The following ABCA12 variants were observed in gnomAD, a reference collection of about 807,000 sequenced individuals.
The protein encoded by ABCA12 is ATP binding cassette subfamily A member 12.
A neutral mutation model predicts 293.5 loss-of-function variants in ABCA12; 156 were observed. The observed-to-expected ratio is 0.53, with a 90% CI of 0.47 to 0.61. ABCA12 has a LOEUF of 0.61. Ranked by LOEUF, ABCA12 falls within the 20% of genes least tolerant of loss-of-function variation. The pLI is 0.00. For synonymous variants in ABCA12, 1,063 were observed against 1,108.0 expected, an observed-to-expected ratio of 0.96 and a Z score of 0.81; for missense variants, 2,797 against 3,090.2, an observed-to-expected ratio of 0.91 and a Z score of 2.25.
In ABCA12 at chr2:215,015,481, G is replaced by A; in HGVS notation, c.1956+9C>T. The A allele has an allele frequency of 1.2e-6, 2 of 1,612,144 alleles. No individual in the cohort carries two copies. Among genetic ancestry groups the A allele is most frequent in the Non-Finnish European group, 1.7e-6 (2 of 1,178,304 alleles). ...TGAATATAAACATATTTAACCAACA[G>A]CAACTTGCCTTGTATGTGAAGTTGT... On this transcript the variant is annotated intron_variant, in intron 15 of 52. Transcript: ENST00000272895.
intron 15 of ABCA12, chr2:215,013,723 T>A (rs1365303150): frequency 1.3e-5 from 2 of 153,776 alleles, no homozygotes; most frequent in Non-Finnish European, 2.9e-5. Flanking sequence ...TTTCATGTCA[T>A]ATGCATTGTA....
At chr2:214,938,491 T>C (rs966733389) in intron 50 of ABCA12, among the ~76,000 whole-genome samples, 3 of 152,168 alleles carry the variant, frequency 2.0e-5, no homozygotes, top group African/African-American at 7.2e-5. Context: ...GTAATGGGAT[T>C]GCTGGGTCAA....
At chr2:215,110,684 G>A (rs948670035) in intron 2 of ABCA12, among the ~76,000 whole-genome samples, 1 of 152,128 alleles carries the variant, frequency 6.6e-6, no homozygotes, top group African/African-American at 2.4e-5. Flanking sequence ...TGATTTCTTA[G>A]AACTGGGTGA....
rs779667677 is a variant in ABCA12, at chr2:215,011,990, C to G, written c.2102G>C (p.Arg701Thr). The change falls in exon 16 of 53, where the codon AGA becomes ACA. Residue 701 changes from arginine to threonine, a missense_variant. By Grantham distance (71) the Arg-to-Thr change is moderately conservative. Coordinates refer to ENST00000272895, the MANE Select transcript of ABCA12 (RefSeq NM_173076.3). Reference sequence around the variant, plus strand: ...TGCTACCTGTGTTAATGGAACACTTCTGGGCAGATGCATTTGCTTCAGGGA... The same window carrying G: ...TGCTACCTGTGTTAATGGAACACTTGTGGGCAGATGCATTTGCTTCAGGGA... Reference protein sequence around the residue: ...MRSLKQMHLPRSVPLTQAMYR... With the variant: ...MRSLKQMHLPTSVPLTQAMYR... 6.2e-7 allele frequency: 1 copy of G among 1,613,316 alleles called. No individual in the cohort carries two copies. The highest frequency in any genetic ancestry group is 8.5e-7 in the Non-Finnish European group (1 of 1,179,786).
chr2:215,053,628 T>C (rs912467942), intron 4 of ABCA12, among the ~76,000 whole-genome samples: 3 of 152,048 alleles, frequency 2.0e-5, no homozygotes, highest in African/African-American at 7.2e-5. Context: ...TACATTAACA[T>C]AGGACTTTTT....
intron 41 of ABCA12, among the ~76,000 whole-genome samples, chr2:214,957,377 A>T (rs185811200): frequency 2.1e-4 from 32 of 152,300 alleles, no homozygotes; most frequent in African/African-American, 7.7e-4. Context: ...GGTGGGGAGG[A>T]ATCTCCTAAA....
chr2:214,978,907 G>C lies in ABCA12; in HGVS notation c.4874C>G (p.Thr1625Ser). 6.2e-7 allele frequency: 1 copy of C among 1,614,080 alleles called. No homozygotes were observed. The highest frequency in any genetic ancestry group is 8.5e-7 in the Non-Finnish European group (1 of 1,179,984). Residue 1625 changes from threonine to serine, a missense_variant, in exon 32 of 53, where the codon ACC (threonine) becomes AGC (serine). This residue lies in a region of ABCA12 where 2,130 missense variants were observed against 2,427.0 expected (regional missense o/e 0.88). Transcript: ENST00000272895. ...TGACAGGTAGGCCCCTGAGACTTTG[G>C]TGCTGAATGGAGGAAGTACATAAAC... is the stretch of plus-strand genomic sequence containing the variant. The part of the protein sequence containing the change: ...ELVYVLPPFS[T>S]KVSGAYLSLL...
Position 214,953,948 on chromosome 2 carries a change from T to C in ABCA12, c.6553A>G (p.Lys2185Glu). Residue 2185 changes from lysine to glutamate, a missense_variant, in exon 44 of 53, where the codon AAA becomes GAA. Lys to Glu is a moderately conservative substitution (Grantham distance 56). Transcript: ENST00000272895. Reference protein sequence around the residue: ...EYPNETFEMNKLGAMFVALVS... With the variant: ...EYPNETFEMNELGAMFVALVS... ...AAAGCCACAAACATTGCACCTAGTT[T>C]ATTCATCTCAAAGGTTTCATTTGGG... The C allele has an allele frequency of 6.2e-7, 1 of 1,614,114 alleles. No homozygotes were observed. Among genetic ancestry groups the C allele is most frequent in the Non-Finnish European group, 8.5e-7 (1 of 1,179,972 alleles).
intron 2 of ABCA12, among the ~76,000 whole-genome samples, chr2:215,103,408 A>G (rs1283336153): frequency 6.6e-6 from 1 of 151,392 alleles, no homozygotes; most frequent in African/African-American, 2.4e-5. Context: ...AGCTGGGATT[A>G]CAGGTGACCA....
In ABCA12 at chr2:214,949,082, A is replaced by T; in HGVS notation, c.6920T>A (p.Ile2307Asn). ...TTIFKMLTGD[I>N]IPSSGNILIR... Reference sequence around the variant, plus strand: ...CAGAATGTTTCCACTTGAAGGAATGATGTCTCCTGTCAGCATCTTGAATAT... The same window carrying T: ...CAGAATGTTTCCACTTGAAGGAATGTTGTCTCCTGTCAGCATCTTGAATAT... The change falls in exon 46 of 53, where the codon ATC (isoleucine) becomes AAC (asparagine). Residue 2307 changes from isoleucine (I) to asparagine (N), a missense_variant. Physicochemically the swap from Ile to Asn is moderately radical, Grantham distance 149. Around this residue, in one of 3 missense-constraint regions of ABCA12, gnomAD observed 2,130 missense variants for 2,427.0 expected, o/e 0.88. Coordinates refer to ENST00000272895, the MANE Select transcript of ABCA12 (RefSeq NM_173076.3). 6.2e-7 allele frequency: 1 copy of T among 1,613,884 alleles called. No individual in the cohort carries two copies. Among genetic ancestry groups the T allele is most frequent in the Non-Finnish European group, 8.5e-7 (1 of 1,179,908 alleles).
In ABCA12 at chr2:214,931,593, C is replaced by T. The variant is rs1411018668; in HGVS notation, c.*1041G>A. ...TGGTTTTCGAGACAAACAGTCATGC[C>T]AAAGCTGACAAACTTGTATAGATAC... On this transcript the variant is annotated 3_prime_UTR_variant, in exon 53 of 53. Transcript: ENST00000272895. The T allele has an allele frequency of 6.6e-6, 1 of 151,232 alleles. No homozygotes were observed. The highest frequency in any genetic ancestry group is 1.5e-5 in the Non-Finnish European group (1 of 67,530). The allele number at this position is 151,232 out of a possible 1,614,324, so 9.4% of individuals were successfully genotyped here.
intron 1 of ABCA12, among the ~76,000 whole-genome samples, chr2:215,134,574 AT>A (rs1703159155): frequency 7.5e-6 from 1 of 133,770 alleles, no homozygotes; most frequent in African/African-American, 3.0e-5. Context: ...GTGTATATAT[AT>A]AATCTCTCTC....
At chr2:214,974,423 A>C (rs571041473) in intron 35 of ABCA12, among the ~76,000 whole-genome samples, 1 of 152,290 alleles carries the variant, frequency 6.6e-6, no homozygotes, top group African/African-American at 2.4e-5. Flanking sequence ...TCAAATAAGC[A>C]ACACTATATA....
intron 35 of ABCA12, 33 bp from the exon 36 acceptor site, chr2:214,974,075 G>T: frequency 6.4e-7 from 1 of 1,551,716 alleles, no homozygotes; most frequent in Non-Finnish European, 8.9e-7. Flanking sequence ...TGTGAGGTGT[G>T]TATGTATATG....
At chr2:215,117,378 A>T (rs537411246) in intron 1 of ABCA12, among the ~76,000 whole-genome samples, 148 of 152,214 alleles carry the variant, frequency 9.7e-4, no homozygotes, top group Non-Finnish European at 1.6e-3. Flanking sequence ...CTAAGTCATC[A>T]ACTCAAAATT....
chr2:215,071,057 C>A (rs1403023761), intron 2 of ABCA12, among the ~76,000 whole-genome samples: 1 of 151,510 alleles, frequency 6.6e-6, no homozygotes, highest in Non-Finnish European at 1.5e-5. Context: ...ACTATCTCGG[C>A]ATGCTGGTAT....
intron 1 of ABCA12, among the ~76,000 whole-genome samples, chr2:215,124,247 C>T (rs951826024): frequency 2.6e-5 from 4 of 152,134 alleles, no homozygotes; most frequent in African/African-American, 4.8e-5. Context: ...AGTACCTTTT[C>T]GAATGTGCAT....
intron 37 of ABCA12, among the ~76,000 whole-genome samples, chr2:214,969,246 C>T (rs1162608648): frequency 2.6e-5 from 4 of 151,946 alleles, no homozygotes; most frequent in Admixed American, 6.6e-5. Context: ...TATATTGTCC[C>T]CAGACATTAT....
chr2:215,001,164 A>G, intron 21 of ABCA12, 144 bp from the exon 22 acceptor site: 1 of 842,270 alleles, frequency 1.2e-6, no homozygotes, highest in Admixed American at 2.7e-5. Flanking sequence ...TTTACAGAAA[A>G]CATGGTTAAT....
Sources: gnomAD v4.1 joint callset for allele counts (sites outside exome capture counted in the v4.1 genomes callset) on GRCh38, gnomAD v4.1.1 for gene constraint, gnomAD v4.1.1 regional missense constraint, MANE v1.5 for transcripts, NCBI Gene and HGNC (gene_info 2026-07-23, HGNC 2026-07-21) for gene names.